The following LRRN2 variants were observed in gnomAD, a reference collection of about 807,000 sequenced individuals.
LRRN2 encodes leucine rich repeat neuronal 2.
A neutral mutation model predicts 35.7 loss-of-function variants in LRRN2; 10 were observed. That is an observed-to-expected ratio of 0.28 (90% confidence interval 0.17 to 0.47). The LOEUF is 0.47. LRRN2 is among the 20% of genes least tolerant of loss of function. LRRN2 has a pLI of 0.99. For missense variants in LRRN2, 731 were observed against 940.3 expected (o/e 0.78, Z 2.91); for synonymous variants, 391 against 409.6 (o/e 0.95, Z 0.55).
Position 204,619,513 on chromosome 1 carries a change from G to T in LRRN2, c.480C>A (p.Ala160=), listed in dbSNP as rs374506202. 3.8e-5 allele frequency: 61 copies of T among 1,614,248 alleles called. No individual in the cohort carries two copies. The African/African-American group carries it at 6.7e-4, about 18-fold the overall frequency. The part of the protein sequence containing the change: ...HNQLYRIAPR[A]FSGLSNLLRL... Reference sequence around the variant, plus strand: ...GCAGCAAGTTGCTGAGGCCAGAAAAGGCCCTGGGGGCGATGCGGTAGAGCT... The same window carrying T: ...GCAGCAAGTTGCTGAGGCCAGAAAATGCCCTGGGGGCGATGCGGTAGAGCT... Residue 160 remains alanine, a synonymous_variant, in exon 2 of 2, where the codon GCC becomes GCA. Transcript: ENST00000367177.
intron 1 of LRRN2, among the ~76,000 whole-genome samples, chr1:204,651,204 T>C (rs1332123973): frequency 6.6e-6 from 1 of 152,142 alleles, no homozygotes; most frequent in Non-Finnish European, 1.5e-5. Flanking sequence ...CCAGCCAGCA[T>C]GGAAACAGGG....
chr1:204,638,102 C>A (rs1319776469), intron 1 of LRRN2, among the ~76,000 whole-genome samples: 1 of 149,640 alleles, frequency 6.7e-6, no homozygotes, highest in South Asian at 2.2e-4. Context: ...TGCTCTCACC[C>A]ACCCACCCCC....
intron 1 of LRRN2, among the ~76,000 whole-genome samples, chr1:204,659,564 A>G (rs1668428407): frequency 6.6e-6 from 1 of 152,030 alleles, no homozygotes; most frequent in African/African-American, 2.4e-5. Flanking sequence ...CGGCCACCTA[A>G]GAGAATGAGG....
chr1:204,657,729 T>C (rs1167766612), intron 1 of LRRN2, among the ~76,000 whole-genome samples: 1 of 152,166 alleles, frequency 6.6e-6, no homozygotes, highest in African/African-American at 2.4e-5. Context: ...GTGAATTTTA[T>C]GGTATGTGAA....
At chr1:204,629,283 G>A (rs1211317971) in intron 1 of LRRN2, 2 of 152,288 alleles carry the variant, frequency 1.3e-5, no homozygotes, top group Non-Finnish European at 2.9e-5. Context: ...TGAAGTCATA[G>A]TTTATGCTGC....
intron 1 of LRRN2, among the ~76,000 whole-genome samples, chr1:204,642,223 C>T (rs1302357925): frequency 1.3e-5 from 2 of 152,202 alleles, no homozygotes; most frequent in African/African-American, 4.8e-5. Flanking sequence ...TAATAATTAA[C>T]ATGGCTGTAA....
At chr1:204,656,363 TC>T (rs1668355924) in intron 1 of LRRN2, among the ~76,000 whole-genome samples, 1 of 152,186 alleles carries the variant, frequency 6.6e-6, no homozygotes, top group Non-Finnish European at 1.5e-5. Flanking sequence ...ATTTAAACAA[TC>T]CCCTTTTCTA....
intron 1 of LRRN2, among the ~76,000 whole-genome samples, chr1:204,672,075 G>A (rs577762581): frequency 2.0e-5 from 3 of 152,368 alleles, no homozygotes; most frequent in African/African-American, 7.2e-5. Context: ...TGAGAATAAA[G>A]GTGAGTGGGG....
In LRRN2 at chr1:204,618,372, T is replaced by C. The variant is rs1666540725; in HGVS notation, c.1621A>G (p.Ile541Val). 1.2e-6 allele frequency: 2 copies of C among 1,606,598 alleles called. No individual in the cohort carries two copies. Among genetic ancestry groups the C allele is most frequent in the Admixed American group, 3.4e-5 (2 of 59,632 alleles). Residue 541 changes from isoleucine to valine, a missense_variant, in exon 2 of 2, where the codon ATC becomes GTC. Ile to Val is a conservative substitution (Grantham distance 29). Coordinates refer to ENST00000367177, the MANE Select transcript of LRRN2 (RefSeq NM_201630.2). ...LRVQETHPYHILLSWVTPPNT... is the reference protein window; with the variant it reads ...LRVQETHPYHVLLSWVTPPNT... ...GGTGGGGTGACCCAAGATAGCAGGA[T>C]GTGATAGGGGTGGGTCTCCTGCACC... is the stretch of plus-strand genomic sequence containing the variant.
intron 1 of LRRN2, among the ~76,000 whole-genome samples, chr1:204,675,531 G>C (rs1389542517): frequency 6.6e-6 from 1 of 152,164 alleles, no homozygotes; most frequent in African/African-American, 2.4e-5. Flanking sequence ...TTCAACACCA[G>C]CACTGGCAGG....
chr1:204,677,610 T>G (rs1668852938), intron 1 of LRRN2, among the ~76,000 whole-genome samples: 1 of 152,132 alleles, frequency 6.6e-6, no homozygotes, highest in Admixed American at 6.5e-5. Context: ...TGCTGCAGCC[T>G]GGGTAGATAC....
At chr1:204,655,154 G>C (rs1179389454) in intron 1 of LRRN2, among the ~76,000 whole-genome samples, 1 of 152,282 alleles carries the variant, frequency 6.6e-6, no homozygotes, top group Non-Finnish European at 1.5e-5. Flanking sequence ...GGACCCAGCT[G>C]AGGTAAGTCC....
In LRRN2 at chr1:204,643,207, G is replaced by A. The variant is rs188894935; in HGVS notation, c.-226-22989C>T. Among the ~76,000 whole-genome samples the A allele has an allele frequency of 4.6e-5, 7 of 152,276 alleles. No individual in the cohort carries two copies. In the East Asian group the frequency reaches 7.7e-4, roughly 17 times the overall value. ...AGAAGGGGTCAGAAAAGGAGACATCGTCAGAAACTATGTATTTTATAAATG... is the reference window on the plus strand; with the variant it reads ...AGAAGGGGTCAGAAAAGGAGACATCATCAGAAACTATGTATTTTATAAATG... On this transcript the variant is annotated intron_variant, in intron 1 of 1. Transcript: ENST00000367177.
chr1:204,664,640 C>T (rs1202114581), intron 1 of LRRN2: 1 of 152,170 alleles, frequency 6.6e-6, no homozygotes, highest in Non-Finnish European at 1.5e-5. Context: ...TCCTTCTGAG[C>T]ACAGACCCTT....
At chr1:204,644,576 C>T (rs574112064) in intron 1 of LRRN2, among the ~76,000 whole-genome samples, 1 of 152,308 alleles carries the variant, frequency 6.6e-6, no homozygotes, top group Admixed American at 6.5e-5. Context: ...TAATTATCCT[C>T]CAAGTGCCAG....
rs542301762 is a variant in LRRN2, at chr1:204,624,081, C to G, written c.-226-3863G>C. Reference sequence around the variant, plus strand: ...CAGCCCAGCCAATGTGGATCAGCACCTGTTTTACAGGAGCAGAGGGCAAGG... The same window carrying G: ...CAGCCCAGCCAATGTGGATCAGCACGTGTTTTACAGGAGCAGAGGGCAAGG... On this transcript the variant is annotated intron_variant, in intron 1 of 1. Transcript: ENST00000367177. 3.9e-5 allele frequency among the ~76,000 whole-genome samples: 6 copies of G among 152,308 alleles called. No individual in the cohort carries two copies. In the South Asian group the frequency reaches 1.2e-3, roughly 32 times the overall value.
intron 1 of LRRN2, among the ~76,000 whole-genome samples, chr1:204,622,559 C>A (rs762778348): frequency 6.6e-6 from 1 of 152,152 alleles, no homozygotes; most frequent in Non-Finnish European, 1.5e-5. Context: ...CACATGCATG[C>A]ATGCCTGCAT....
intron 1 of LRRN2, among the ~76,000 whole-genome samples, chr1:204,649,311 G>A (rs1248160761): frequency 1.3e-5 from 2 of 152,220 alleles, no homozygotes; most frequent in African/African-American, 2.4e-5. Flanking sequence ...GAAACCACTA[G>A]ACTGTGAGGT....
At position 204,618,764 on chromosome 1, in the gene LRRN2, T is replaced by C; in HGVS notation, c.1229A>G (p.Glu410Gly). Residue 410 changes from glutamate (E) to glycine (G), a missense_variant, in exon 2 of 2, where the codon GAG becomes GGG. Glu to Gly is a moderately conservative substitution (Grantham distance 98). Coordinates refer to ENST00000367177, the MANE Select transcript of LRRN2 (RefSeq NM_201630.2). ...GTCCGTCATCTCCCGGAAGGGCACC[T>C]CACGGACCGGGAGGCGCTGGAGGTC... is the stretch of plus-strand genomic sequence containing the variant. ...PPDLQRLPVR[E>G]VPFREMTDHC... The C allele has an allele frequency of 1.2e-6, 2 of 1,613,146 alleles. No individual in the cohort carries two copies. Among genetic ancestry groups the C allele is most frequent in the Non-Finnish European group, 1.7e-6 (2 of 1,179,454 alleles).
Sources: gnomAD v4.1 joint callset for allele counts (sites outside exome capture counted in the v4.1 genomes callset) on GRCh38, gnomAD v4.1.1 for gene constraint, MANE v1.5 for transcripts, NCBI Gene and HGNC (gene_info 2026-07-23, HGNC 2026-07-21) for gene names.